The following VCP variants were observed in gnomAD, a reference collection of about 807,000 sequenced individuals.
The protein encoded by VCP is transitional endoplasmic reticulum ATPase.
VCP carries 6 observed loss-of-function variants against 85.7 expected under a neutral mutation model. The ratio of observed to expected loss-of-function variants is 0.07; its 90% confidence interval spans 0.04 to 0.14. The LOEUF (loss-of-function observed/expected upper bound fraction) is 0.14. Ranked by LOEUF, VCP falls within the 10% of genes least tolerant of loss-of-function variation. The pLI is 1.00. For missense variants in VCP, 353 were observed against 1,043.4 expected (o/e 0.34, Z 9.12); for synonymous variants, 384 against 367.1 (o/e 1.05, Z -0.53).
chr9:35,071,714 T>C, intron 1 of VCP: 2 of 986,192 alleles, frequency 2.0e-6, no homozygotes, highest in Non-Finnish European at 2.4e-6. Flanking sequence ...GCCCTCTCCC[T>C]AACAGTCCTT....
chr9:35,071,522 G>A (rs900468618), intron 1 of VCP, among the ~76,000 whole-genome samples: 1 of 151,968 alleles, frequency 6.6e-6, no homozygotes, highest in Non-Finnish European at 1.5e-5. Flanking sequence ...CACGAAACCT[G>A]GAAATCTGGA....
chr9:35,068,021 A>G lies in VCP; in HGVS notation c.172T>C (p.Leu58=), dbSNP rs1828866996. 6.2e-7 allele frequency: 1 copy of G among 1,614,106 alleles called. No homozygotes were observed. The highest frequency in any genetic ancestry group is 8.5e-7 in the Non-Finnish European group (1 of 1,180,038). The change falls in exon 3 of 17, where the codon TTG becomes CTG. Residue 58 remains leucine, a synonymous_variant. Coordinates refer to ENST00000358901, the MANE Select transcript of VCP (RefSeq NM_007126.5). The part of the protein sequence containing the change: ...ELQLFRGDTV[L]LKGKKRREAV... The stretch of plus-strand genomic sequence containing the variant: ...TCTCGTCTCTTCTTTCCTTTCAGCA[A>G]CACTGTGTCACCTCGGAACAACTGC...
At chr9:35,072,315 C>T in intron 1 of VCP, 22 bp downstream of exon 1, 1 of 1,483,628 alleles carries the variant, frequency 6.7e-7, no homozygotes, top group Non-Finnish European at 8.9e-7. Flanking sequence ...CCGCAGCAAG[C>T]GAACGGCGCG....
chr9:35,068,097 G>T, intron 2 of VCP, 34 bp from the exon 3 acceptor site: 1 of 1,613,886 alleles, frequency 6.2e-7, no homozygotes, highest in Non-Finnish European at 8.5e-7. Flanking sequence ...TTGGGTCATT[G>T]GGCTGACGGG....
rs1196547981 is a variant in VCP, at chr9:35,072,562, TGGCAGTGGCAGC to T, written c.-221_-210del. ...TGGCTCCTGATCCGCGAGGTGGCAGTGGCAGTGGCAGCGGCAGCGGCAGCGACGACTCAAACG... is the reference window on the plus strand; with the variant it reads ...TGGCTCCTGATCCGCGAGGTGGCAGTGGCAGCGGCAGCGACGACTCAAACG... On this transcript the variant is annotated 5_prime_UTR_variant, in exon 1 of 17. Transcript: ENST00000358901. The T allele has an allele frequency of 1.8e-6, 1 of 545,058 alleles. No individual in the cohort carries two copies. The highest frequency in any genetic ancestry group is 3.0e-6 in the Non-Finnish European group (1 of 334,956). 33.8% of individuals were successfully genotyped at this position (545,058 alleles called of 1,614,324 possible).
intron 5 of VCP, 117 bp from the exon 6 acceptor site, chr9:35,064,402 T>C: frequency 7.2e-7 from 1 of 1,379,758 alleles, no homozygotes; most frequent in Non-Finnish European, 1.0e-6. Flanking sequence ...AAGAAGATTC[T>C]CAACCCGGCA....
In VCP at chr9:35,066,744, T is replaced by C; in HGVS notation, c.376A>G (p.Ile126Val). The change falls in exon 4 of 17, where the codon ATT becomes GTT. Residue 126 changes from isoleucine (I) to valine (V), a missense_variant. This residue lies in a region of VCP where 85 missense variants were observed against 345.2 expected (regional missense o/e 0.25). Coordinates refer to ENST00000358901, the MANE Select transcript of VCP (RefSeq NM_007126.5). ...TATACCTCGAAGAGATTACCAGTAATGCCTTCCACTGTGTCATCAATGGGC... is the reference window on the plus strand; with the variant it reads ...TATACCTCGAAGAGATTACCAGTAACGCCTTCCACTGTGTCATCAATGGGC... ...VLPIDDTVEG[I>V]TGNLFEVYLK... is the part of the protein sequence containing the mutation. 1 of 1,614,176 alleles carries C rather than the reference T, an allele frequency of 6.2e-7. No individual in the cohort carries two copies. Among genetic ancestry groups the C allele is most frequent in the Non-Finnish European group, 8.5e-7 (1 of 1,180,028 alleles).
In VCP at chr9:35,059,056, A is replaced by C. The variant is rs564249854; in HGVS notation, c.2160+8T>G. On this transcript the variant is annotated splice_region_variant and intron_variant, in intron 15 of 16. Transcript: ENST00000358901. The surrounding 1 kb of genome is among the most constrained non-coding windows in gnomAD (Gnocchi z 4.9). ...ATTGGCACATCTGGGGAAAGGATGC[A>C]GACTCACCATGGCTGATGGGTTTGT... The C allele has an allele frequency of 4.6e-5, 74 of 1,613,876 alleles. No individual in the cohort carries two copies. In the East Asian group the frequency reaches 1.3e-3, roughly 29 times the overall value.
rs1446148981 is a variant in VCP, at chr9:35,057,082, G to C, written c.*35C>G. 2.5e-6 allele frequency: 4 copies of C among 1,609,250 alleles called. No homozygotes were observed. Among genetic ancestry groups the C allele is most frequent in the African/African-American group, 1.3e-5 (1 of 74,894 alleles). ...CCCCACCCCCAGGGAACAAGGTCCA[G>C]GCAGGCCAGCTCACTGCACGCTGGC... On this transcript the variant is annotated 3_prime_UTR_variant, in exon 17 of 17. Transcript: ENST00000358901.
intron 13 of VCP, among the ~76,000 whole-genome samples, 169 bp downstream of exon 13, chr9:35,060,143 GA>G (rs1432814340): frequency 6.6e-6 from 1 of 150,538 alleles, no homozygotes; most frequent in Non-Finnish European, 1.5e-5. Context: ...GAGAGAGAGA[GA>G]GAAAAAAAAA....
At chr9:35,065,533 C>G (rs1828812158) in intron 4 of VCP, 152 bp from the exon 5 acceptor site, 3 of 1,026,162 alleles carry the variant, frequency 2.9e-6, no homozygotes, top group Non-Finnish European at 4.4e-6. Context: ...CCCCACCTGT[C>G]TTAATAAGCA....
chr9:35,058,369 C>T (rs901824283), intron 15 of VCP, among the ~76,000 whole-genome samples: 2 of 152,180 alleles, frequency 1.3e-5, no homozygotes, highest in Non-Finnish European at 2.9e-5. Context: ...AGAGATCTTA[C>T]CTTTATGGAA....
At chr9:35,058,332 G>A (rs914114154) in intron 15 of VCP, among the ~76,000 whole-genome samples, 3 of 152,204 alleles carry the variant, frequency 2.0e-5, no homozygotes, top group African/African-American at 7.2e-5. Flanking sequence ...GGTAACACAA[G>A]ACATAGTGGA....
intron 1 of VCP, chr9:35,071,748 G>A (rs887577851): frequency 9.1e-6 from 9 of 989,544 alleles, no homozygotes; most frequent in Non-Finnish European, 9.6e-6. Context: ...ACACACAGAG[G>A]ATGCCCACCT....
At position 35,057,158 on chromosome 9, in the gene VCP, T is replaced by C. The variant is rs749367752; in HGVS notation, c.2380A>G (p.Ser794Gly). The C allele has an allele frequency of 2.5e-6, 4 of 1,614,198 alleles. No homozygotes were observed. The highest frequency in any genetic ancestry group is 2.2e-5 in the East Asian group (1 of 44,882). The change falls in exon 17 of 17, where the codon AGT becomes GGT. Residue 794 changes from serine (S) to glycine (G), a missense_variant. By Grantham distance (56) the Ser-to-Gly change is moderately conservative. Transcript: ENST00000358901. ...TCATCATTGTCTTCTGTGTATACACTGCCACCTGTGCCGCCTCCACTGCCC... is the reference window on the plus strand; with the variant it reads ...TCATCATTGTCTTCTGTGTATACACCGCCACCTGTGCCGCCTCCACTGCCC... The part of the protein sequence containing the change: ...SQGSGGGTGG[S>G]VYTEDNDDDL...
chr9:35,064,102 G>T, intron 6 of VCP, 52 bp downstream of exon 6: 1 of 1,612,734 alleles, frequency 6.2e-7, no homozygotes, highest in South Asian at 1.1e-5. Flanking sequence ...ATTGGGACAG[G>T]ATTAGACATT....
At chr9:35,062,655 T>C (rs371173327) in intron 7 of VCP, among the ~76,000 whole-genome samples, 1 of 152,212 alleles carries the variant, frequency 6.6e-6, no homozygotes, top group East Asian at 1.9e-4. Context: ...CTAAACAGCA[T>C]TCTCCAAGAG....
At position 35,061,191 on chromosome 9, in the gene VCP, G is replaced by C. The variant is rs1250068573; in HGVS notation, c.1195-12C>G. On this transcript the variant is annotated splice_polypyrimidine_tract_variant and intron_variant, in intron 10 of 16. Coordinates refer to ENST00000358901, the MANE Select transcript of VCP (RefSeq NM_007126.5). The stretch of plus-strand genomic sequence containing the variant: ...GTCTCATTGGCTACCTGCAGAGAAA[G>C]ATCTACTTACTATGCTGCCTCAAAG... 1.2e-6 allele frequency: 2 copies of C among 1,612,644 alleles called. No homozygotes were observed. The highest frequency in any genetic ancestry group is 3.3e-5 in the Admixed American group (2 of 60,016).
rs1302600128 is a variant in VCP at position 35,057,033 on chromosome 9, CT to C, written c.*83del. ...AATGGAGCAGGCTGTGGGCGCACCC[CT>C]GGTCCCTCTCCTGGGCAAGCGCCCC... On this transcript the variant is annotated 3_prime_UTR_variant, in exon 17 of 17. Transcript: ENST00000358901. 4 of 1,399,058 alleles carry C rather than the reference CT, an allele frequency of 2.9e-6. No individual in the cohort carries two copies. Among genetic ancestry groups the C allele is most frequent in the Admixed American group, 3.4e-5 (2 of 59,476 alleles). The allele number at this position is 1,399,058 out of a possible 1,614,324, so 86.7% of individuals were successfully genotyped here.
Sources: allele counts gnomAD v4.1 joint callset (sites outside exome capture counted in the v4.1 genomes callset), GRCh38; gene constraint gnomAD v4.1.1; regional missense constraint gnomAD v4.1.1; non-coding constraint Gnocchi (gnomAD v3.1); transcripts MANE v1.5; gene names NCBI Gene and HGNC (gene_info 2026-07-23, HGNC 2026-07-21).